RIN2: variants seen among roughly 807,000 people sequenced by gnomAD.
The protein encoded by RIN2 is Ras and Rab interactor 2, also known as RAB5 interacting protein 2.
Under a neutral mutation model 78.0 loss-of-function variants are expected in RIN2, and 36 were observed. The observed-to-expected ratio is 0.46, with a 90% CI of 0.35 to 0.61. The LOEUF is 0.61. RIN2 is among the 20% of genes least tolerant of loss of function. RIN2 has a pLI of 0.00. For synonymous variants in RIN2, 466 were observed against 466.8 expected (o/e 1.00, Z 0.02); for missense variants, 1,087 against 1,159.7 (o/e 0.94, Z 0.91).
chr20:19,926,944 G>A (rs1024345374), intron 3 of RIN2, among the ~76,000 whole-genome samples: 1 of 152,114 alleles, frequency 6.6e-6, no homozygotes, highest in Non-Finnish European at 1.5e-5. Context: ...ACAAGACTTG[G>A]GGTTCCTCCC....
chr20:19,938,068 C>T (rs1442618651), intron 4 of RIN2, among the ~76,000 whole-genome samples: 2 of 152,208 alleles, frequency 1.3e-5, no homozygotes, highest in Admixed American at 6.5e-5. Context: ...GGCTTGGCTT[C>T]TGGGACCCCA....
At chr20:19,915,370 C>G (rs79820683) in intron 3 of RIN2, among the ~76,000 whole-genome samples, 2 of 152,126 alleles carry the variant, frequency 1.3e-5, no homozygotes, top group African/African-American at 2.4e-5. Flanking sequence ...CTGAGGGCTG[C>G]CCTGGGGTAT....
chr20:19,874,052 T>C (rs2037777512), intron 2 of RIN2, among the ~76,000 whole-genome samples: 1 of 123,776 alleles, frequency 8.1e-6, no homozygotes, highest in South Asian at 3.1e-4. Flanking sequence ...GCTGCCTTTT[T>C]CACATTTTGG....
intron 9 of RIN2, among the ~76,000 whole-genome samples, chr20:19,978,399 G>A (rs2042349227): frequency 6.6e-6 from 1 of 152,194 alleles, no homozygotes; most frequent in Non-Finnish European, 1.5e-5. Context: ...CTACTCATCT[G>A]TCTTCTTCAG....
At chr20:19,808,491 C>G (rs1272689508) in intron 2 of RIN2, among the ~76,000 whole-genome samples, 1 of 152,232 alleles carries the variant, frequency 6.6e-6, no homozygotes, top group Admixed American at 6.5e-5. Context: ...CTTTCCACTC[C>G]CCGAAGGCCC....
intron 2 of RIN2, among the ~76,000 whole-genome samples, chr20:19,800,203 CCCA>C (rs1412192397): frequency 6.6e-6 from 1 of 152,172 alleles, no homozygotes; most frequent in East Asian, 1.9e-4. Flanking sequence ...TTCTTCAGTT[CCCA>C]CCACCTTGCT....
chr20:19,944,091 T>C (rs545593963), intron 4 of RIN2, among the ~76,000 whole-genome samples: 2 of 151,302 alleles, frequency 1.3e-5, no homozygotes, highest in East Asian at 4.0e-4. Flanking sequence ...GGATATCAAC[T>C]TCTATGTATT....
chr20:19,784,208 C>T (rs1454205117), intron 1 of RIN2, among the ~76,000 whole-genome samples: 2 of 152,190 alleles, frequency 1.3e-5, no homozygotes, highest in Non-Finnish European at 2.9e-5. Flanking sequence ...GTGCTGTGCC[C>T]TTTGCTGATG....
intron 2 of RIN2, 160 bp from the exon 3 acceptor site, chr20:19,889,406 A>G (rs2038339711): frequency 8.6e-7 from 1 of 1,162,252 alleles, no homozygotes; most frequent in African/African-American, 1.6e-5. Context: ...GGGGACAGGA[A>G]ATTGGGCTGA....
intron 3 of RIN2, among the ~76,000 whole-genome samples, chr20:19,914,969 G>A (rs112685704): frequency 2.6e-5 from 4 of 152,274 alleles, no homozygotes; most frequent in African/African-American, 9.6e-5. Flanking sequence ...CAGCACAAGA[G>A]ACCCCTCTGT....
chr20:19,982,780 T>C (rs576140005), intron 9 of RIN2, among the ~76,000 whole-genome samples: 1 of 152,176 alleles, frequency 6.6e-6, no homozygotes, highest in African/African-American at 2.4e-5. Context: ...CTAGAAAGCC[T>C]GGGGAATTGA....
chr20:19,769,229 C>T (rs575838718), intron 1 of RIN2, among the ~76,000 whole-genome samples: 5 of 152,302 alleles, frequency 3.3e-5, no homozygotes, highest in South Asian at 2.1e-4. Flanking sequence ...GCCACCGTGC[C>T]GTGCCCGGCC....
intron 1 of RIN2, among the ~76,000 whole-genome samples, chr20:19,789,419 A>G (rs2034815998): frequency 2.0e-5 from 3 of 152,240 alleles, no homozygotes; most frequent in Admixed American, 1.3e-4. Flanking sequence ...TATGTTAATT[A>G]TACTTCAATA....
At chr20:19,997,760 A>G (rs2043016294) in intron 12 of RIN2, among the ~76,000 whole-genome samples, 1 of 152,138 alleles carries the variant, frequency 6.6e-6, no homozygotes, top group Non-Finnish European at 1.5e-5. Flanking sequence ...CTTAGTCTCA[A>G]AAAAGAAACA....
intron 4 of RIN2, among the ~76,000 whole-genome samples, chr20:19,953,337 G>A (rs994271524): frequency 3.0e-4 from 45 of 152,178 alleles, no homozygotes; most frequent in African/African-American, 1.0e-3. Flanking sequence ...TCACCATGTT[G>A]ACCAGGCTGG....
chr20:19,821,880 C>T (rs2035937939), intron 2 of RIN2, among the ~76,000 whole-genome samples: 1 of 152,138 alleles, frequency 6.6e-6, no homozygotes, highest in Non-Finnish European at 1.5e-5. Flanking sequence ...TGTCTGTTAT[C>T]TCACATTGAC....
chr20:19,906,207 T>C, intron 3 of RIN2, among the ~76,000 whole-genome samples: 1 of 152,130 alleles, frequency 6.6e-6, no homozygotes, highest in East Asian at 1.9e-4. Context: ...CCCAGCACTT[T>C]GGGAGGCTGA....
intron 2 of RIN2, among the ~76,000 whole-genome samples, chr20:19,866,332 C>A (rs759461571): frequency 7.3e-4 from 111 of 152,150 alleles, no homozygotes; most frequent in Non-Finnish European, 1.3e-3. Context: ...TCACTGCTCA[C>A]CTCCTGCTGT....
At chr20:19,977,349 T>TA (rs1274406033) in intron 9 of RIN2, among the ~76,000 whole-genome samples, 4 of 152,338 alleles carry the variant, frequency 2.6e-5, no homozygotes, top group African/African-American at 9.6e-5. Context: ...CTTTTGTAGT[T>TA]AAATTCGGAT....
Sources: allele counts gnomAD v4.1 joint callset (sites outside exome capture counted in the v4.1 genomes callset), GRCh38; gene constraint gnomAD v4.1.1; transcripts MANE v1.5; gene names NCBI Gene and HGNC (gene_info 2026-07-23, HGNC 2026-07-21).